Variants in PIWIL1 observed in about 807,000 individuals in gnomAD.
PIWIL1 encodes piwi like RNA-mediated gene silencing 1.
Under a neutral mutation model 114.4 loss-of-function variants are expected in PIWIL1, and 73 were observed. The ratio of observed to expected loss-of-function variants is 0.64; its 90% CI spans 0.53 to 0.78. The LOEUF is 0.78. Ranked by LOEUF, PIWIL1 falls within the 30% of genes least tolerant of loss-of-function variation. The probability of loss-of-function intolerance (pLI) is 0.00; values close to 1 mark genes in which losing one functional copy is unlikely to be tolerated. For missense variants in PIWIL1, 723 were observed against 1,063.1 expected (o/e 0.68, Z 4.45); for synonymous variants, 375 against 369.0 (o/e 1.02, Z -0.19).
intron 14 of PIWIL1, among the ~76,000 whole-genome samples, chr12:130,358,163 G>A (rs145007765): frequency 1.7e-4 from 26 of 152,298 alleles, no homozygotes; most frequent in Middle Eastern, 3.4e-3. Context: ...ACTGAGTCCC[G>A]AAGAGCCCAT....
At chr12:130,392,501 C>T in the PIWIL1 span, among the ~76,000 whole-genome samples, 115 of 41,474 alleles carry the variant, frequency 2.8e-3, no homozygotes, top group Admixed American at 7.2e-3. Flanking sequence ...ATCACGTGTC[C>T]GTCAGTTACC....
intron 1 of PIWIL1, among the ~76,000 whole-genome samples, chr12:130,340,346 G>A (rs955758898): frequency 2.0e-5 from 3 of 152,072 alleles, no homozygotes; most frequent in Non-Finnish European, 4.4e-5. Flanking sequence ...ACCAGGGACC[G>A]ATTTCCTGGA....
the PIWIL1 span, chr12:130,399,173 C>A: frequency 2.2e-6 from 3 of 1,365,012 alleles, no homozygotes; most frequent in Admixed American, 2.7e-5. Context: ...TGTTTCCAAG[C>A]AGATGAGCAA....
At chr12:130,358,852 G>A (rs1181350963) in intron 14 of PIWIL1, among the ~76,000 whole-genome samples, 2 of 152,024 alleles carry the variant, frequency 1.3e-5, no homozygotes, top group South Asian at 2.1e-4. Context: ...CTGAGAACAG[G>A]GCCTTCTATA....
chr12:130,424,039 G>C, the PIWIL1 span: 4 of 571,526 alleles, frequency 7.0e-6, no homozygotes, highest in Non-Finnish European at 1.0e-5. The surrounding 1 kb of genome is among the most constrained non-coding windows in gnomAD (Gnocchi z 9.8). Flanking sequence ...CAGCCAGCAA[G>C]AGAGTCCCCA....
In PIWIL1 at chr12:130,349,393, G is replaced by A; in HGVS notation, c.889G>A (p.Glu297Lys). The change falls in exon 8 of 21, where the codon GAA (glutamate) becomes AAA (lysine). Residue 297 changes from glutamate (E) to lysine (K), a missense_variant. Glu to Lys is a moderately conservative substitution (Grantham distance 56). Coordinates refer to ENST00000245255, the MANE Select transcript of PIWIL1 (RefSeq NM_004764.5). ...TCAGACAGAAGAACATAAATTTCAA[G>A]AACAAGTTTCCAAAGAACTAATAGG... ...YHQTEEHKFQ[E>K]QVSKELIGLV... 1.2e-6 allele frequency: 2 copies of A among 1,613,464 alleles called. No individual in the cohort carries two copies. Among genetic ancestry groups the A allele is most frequent in the Non-Finnish European group, 1.7e-6 (2 of 1,179,466 alleles).
Position 130,361,358 on chromosome 12 carries a change from A to G in PIWIL1, c.1844A>G (p.Glu615Gly), listed in dbSNP as rs972114414. The G allele has an allele frequency of 6.2e-7, 1 of 1,614,140 alleles. No homozygotes were observed. Among genetic ancestry groups the G allele is most frequent in the African/African-American group, 1.3e-5 (1 of 75,016 alleles). The change falls in exon 15 of 21, where the codon GAG becomes GGG. Residue 615 changes from glutamate to glycine, a missense_variant. Glu to Gly is a moderately conservative substitution (Grantham distance 98). Coordinates refer to ENST00000245255, the MANE Select transcript of PIWIL1 (RefSeq NM_004764.5). ...ALQMNCKMGGELWRVDIPLKL... is the reference protein window; with the variant it reads ...ALQMNCKMGGGLWRVDIPLKL... ...CAGATGAACTGCAAGATGGGAGGAG[A>G]GCTCTGGAGGGTGGACATCCCCGTG... is the stretch of plus-strand genomic sequence containing the variant.
chr12:130,341,412 CA>C (rs2072915363), intron 1 of PIWIL1, among the ~76,000 whole-genome samples: 1 of 152,174 alleles, frequency 6.6e-6, no homozygotes, highest in Non-Finnish European at 1.5e-5. Context: ...AGAATTCTAC[CA>C]AAGATATTTT....
In PIWIL1 at chr12:130,369,681, T is replaced by C. The variant is rs144585706; in HGVS notation, c.2322-1495T>C. Among the ~76,000 whole-genome samples the C allele has an allele frequency of 5.8e-3, 879 of 152,348 alleles. 8 individuals carry two copies. Among genetic ancestry groups the C allele is most frequent in the African/African-American group, 0.02 (834 of 41,574 alleles). ...TTTTCATGTATGTTTCCTGGACACA[T>C]AAATTTCTTCTTTTGAGAAGTGTCT... On this transcript the variant is annotated intron_variant, in intron 19 of 20. Coordinates refer to ENST00000245255, the MANE Select transcript of PIWIL1 (RefSeq NM_004764.5).
intron 3 of PIWIL1, 101 bp downstream of exon 3, chr12:130,343,202 T>G (rs1385032806): frequency 1.5e-6 from 1 of 685,734 alleles, no homozygotes; most frequent in African/African-American, 1.8e-5. Context: ...TGAAACTGTT[T>G]AAGAAACATT....
At chr12:130,424,279 G>A in the PIWIL1 span, 26 of 1,231,792 alleles carry the variant, frequency 2.1e-5, no homozygotes, top group Middle Eastern at 3.1e-4. The surrounding 1 kb of genome is among the most constrained non-coding windows in gnomAD (Gnocchi z 9.8). Context: ...TGCTTCCTGG[G>A]GGGCGGCCTC....
At chr12:130,369,660 C>T (rs2073766363) in intron 19 of PIWIL1, among the ~76,000 whole-genome samples, 1 of 152,158 alleles carries the variant, frequency 6.6e-6, no homozygotes, top group Non-Finnish European at 1.5e-5. Flanking sequence ...TGAGCTTTTT[C>T]ATGTATGTTT....
At position 130,361,486 on chromosome 12, in the gene PIWIL1, T is replaced by C; in HGVS notation, c.1867-12T>C. ...CTCCATTGTATCTAAAATTACCATA[T>C]TTGTATTGAAGCTGAAGCTCGTGAT... is the stretch of plus-strand genomic sequence containing the variant. On this transcript the variant is annotated splice_polypyrimidine_tract_variant and intron_variant, in intron 15 of 20. Coordinates refer to ENST00000245255, the MANE Select transcript of PIWIL1 (RefSeq NM_004764.5). 6.2e-7 allele frequency: 1 copy of C among 1,613,660 alleles called. No individual in the cohort carries two copies. The highest frequency in any genetic ancestry group is 1.3e-5 in the African/African-American group (1 of 75,050).
chr12:130,339,906 C>T (rs1242359282), intron 1 of PIWIL1, among the ~76,000 whole-genome samples: 3 of 152,204 alleles, frequency 2.0e-5, no homozygotes, highest in South Asian at 2.1e-4. Flanking sequence ...AGGAATATTT[C>T]CTGCTGGAGA....
Position 130,342,288 on chromosome 12 carries a change from C to G in PIWIL1, c.-12-292C>G, listed in dbSNP as rs2072942711. ...AGCATCCTAATTCTTTCAGCACTTT[C>G]TCCTCCTAAGTCTGTTTATAATAAA... On this transcript the variant is annotated intron_variant, in intron 1 of 20. Transcript: ENST00000245255. 3 of 375,548 alleles carry G rather than the reference C, an allele frequency of 8.0e-6. No individual in the cohort carries two copies. The South Asian group carries it at 1.1e-4, about 14-fold the overall frequency. The allele number at this position is 375,548 out of a possible 1,614,324, so 23.3% of individuals were successfully genotyped here. A position where few individuals can be genotyped will look rare whatever the true frequency, so the allele number is the denominator to read the frequency against.
the PIWIL1 span, among the ~76,000 whole-genome samples, chr12:130,418,938 G>A: frequency 6.6e-6 from 1 of 152,180 alleles, no homozygotes; most frequent in East Asian, 1.9e-4. Context: ...TCCTTCCAGA[G>A]AACTGCCCAC....
downstream of PIWIL1, among the ~76,000 whole-genome samples, chr12:130,376,712 T>C (rs954057314): frequency 1.3e-5 from 2 of 152,228 alleles, no homozygotes; most frequent in Non-Finnish European, 2.9e-5. Flanking sequence ...ACCTGTCCAC[T>C]AATCCTGTCA....
At chr12:130,421,915 G>A in the PIWIL1 span, among the ~76,000 whole-genome samples, 3,317 of 152,332 alleles carry the variant, frequency 0.022, 122 homozygotes, top group African/African-American at 0.076. Flanking sequence ...GAAGAGAATG[G>A]AAACGGAATG....
rs761482985 is a variant in PIWIL1, at chr12:130,346,494, A to G, written c.441A>G (p.Ser147=). 10 of 1,613,898 alleles carry G rather than the reference A, an allele frequency of 6.2e-6. No individual in the cohort carries two copies. The Admixed American group carries it at 1.2e-4, about 19-fold the overall frequency. Residue 147 remains serine, a synonymous_variant, in exon 5 of 21, where the codon TCA becomes TCG. Coordinates refer to ENST00000245255, the MANE Select transcript of PIWIL1 (RefSeq NM_004764.5). The stretch of plus-strand genomic sequence containing the variant: ...TGATGGAAGCCAGAAGACTCCGTTC[A>G]GCTCTTCTTTTTCAACACGAAGATC... ...NPLMEARRLR[S]ALLFQHEDLI... is the part of the protein sequence containing the mutation.
Sources: gnomAD v4.1 joint callset for allele counts (sites outside exome capture counted in the v4.1 genomes callset) on GRCh38, gnomAD v4.1.1 for gene constraint, Gnocchi (gnomAD v3.1) non-coding constraint, MANE v1.5 for transcripts, NCBI Gene and HGNC (gene_info 2026-07-23, HGNC 2026-07-21) for gene names.